The following CEP290 variants were observed in gnomAD, a reference collection of about 807,000 sequenced individuals.
The protein encoded by CEP290 is centrosomal protein 290.
CEP290 carries 317 observed loss-of-function variants against 344.9 expected under a neutral mutation model. The ratio of observed to expected loss-of-function variants is 0.92; its 90% confidence interval spans 0.84 to 1.01. The LOEUF (loss-of-function observed/expected upper bound fraction) is 1.01, where lower values mean the gene tolerates loss of function less well. Ranked by LOEUF, CEP290 falls within the 50% of genes least tolerant of loss-of-function variation. CEP290 has a pLI of 0.00. For missense variants in CEP290, 2,754 were observed against 2,761.4 expected (o/e 1.00, Z 0.06); for synonymous variants, 932 against 895.8 (o/e 1.04, Z -0.72).
intron 13 of CEP290, among the ~76,000 whole-genome samples, chr12:88,121,427 T>C (rs1257311354): frequency 2.0e-5 from 3 of 152,124 alleles, no homozygotes; most frequent in Non-Finnish European, 4.4e-5. Context: ...AAAATGATCA[T>C]TGTGATACAG....
intron 6 of CEP290, chr12:88,136,067 G>A (rs2040338194): frequency 6.6e-6 from 1 of 151,996 alleles, no homozygotes; most frequent in Admixed American, 6.6e-5. Flanking sequence ...AAGGAATAAC[G>A]AGGTAATAAA....
intron 8 of CEP290, 53 bp downstream of exon 8, chr12:88,130,492 G>C: frequency 6.3e-7 from 1 of 1,590,264 alleles, no homozygotes; most frequent in Non-Finnish European, 8.6e-7. Flanking sequence ...TCTAAATAGT[G>C]CTCTCACAAC....
At chr12:88,076,601 C>T (rs937322470) in intron 41 of CEP290, among the ~76,000 whole-genome samples, 1 of 116,754 alleles carries the variant, frequency 8.6e-6, no homozygotes, top group Non-Finnish European at 1.8e-5. Context: ...GCATTTTAGC[C>T]AATTTTAGTT....
At chr12:88,085,962 A>G (rs932296122) in intron 34 of CEP290, 77 bp downstream of exon 34, 17 of 1,348,390 alleles carry the variant, frequency 1.3e-5, no homozygotes, top group African/African-American at 1.5e-5. Context: ...CATTGCCCTC[A>G]TAAAGAAATA....
intron 37 of CEP290, among the ~76,000 whole-genome samples, chr12:88,080,712 A>C (rs933168064): frequency 1.3e-5 from 2 of 152,170 alleles, no homozygotes; most frequent in African/African-American, 4.8e-5. Flanking sequence ...TACAGGTGTG[A>C]GCCACCACAC....
intron 31 of CEP290, among the ~76,000 whole-genome samples, chr12:88,088,372 G>A (rs910878211): frequency 1.3e-5 from 2 of 151,914 alleles, no homozygotes; most frequent in African/African-American, 4.8e-5. Flanking sequence ...GTAAATGTGG[G>A]CCCACTACTT....
At chr12:88,071,724 T>C in intron 42 of CEP290, 57 bp downstream of exon 42, 1 of 1,325,950 alleles carries the variant, frequency 7.5e-7, no homozygotes, top group Non-Finnish European at 1.0e-6. Context: ...CTATATAATT[T>C]CCAGGTCACT....
chr12:88,088,838 A>G (rs2036787934), intron 31 of CEP290, among the ~76,000 whole-genome samples, 194 bp downstream of exon 31: 1 of 152,088 alleles, frequency 6.6e-6, no homozygotes, highest in Admixed American at 6.6e-5. Context: ...CTACAAAAAA[A>G]TTTAAAAATT....
intron 43 of CEP290, among the ~76,000 whole-genome samples, chr12:88,070,616 AAG>A (rs1177922289): frequency 6.6e-6 from 1 of 152,096 alleles, no homozygotes; most frequent in Admixed American, 6.6e-5. Context: ...CTATGATACT[AAG>A]AGGGTAAGGT....
intron 37 of CEP290, among the ~76,000 whole-genome samples, chr12:88,081,030 G>A (rs1041303388): frequency 1.3e-5 from 2 of 152,112 alleles, no homozygotes; most frequent in Non-Finnish European, 2.9e-5. Context: ...AAATGTGATT[G>A]CTTCCTCTAT....
At chr12:88,140,092 A>G (rs563495572) in intron 3 of CEP290, among the ~76,000 whole-genome samples, 3 of 152,128 alleles carry the variant, frequency 2.0e-5, no homozygotes, top group Non-Finnish European at 4.4e-5. Flanking sequence ...TAGATTTTTA[A>G]TAGCATGAAA....
chr12:88,120,956 A>G, intron 14 of CEP290, 41 bp downstream of exon 14: 1 of 1,558,024 alleles, frequency 6.4e-7, no homozygotes, highest in African/African-American at 1.4e-5. Context: ...AATGGCAAGA[A>G]TAATTCTAAG....
At position 88,114,507 on chromosome 12, in the gene CEP290, C is replaced by T. The variant is rs2137782106; in HGVS notation, c.1965G>A (p.Leu655=). ...KQLEEGMKEI[L]QAIKEMQKDP... ...CTTTCTGCATTTCCTTAATTGCTTG[C>T]AATATTTCTTTCATACCTTCTTCAA... The change falls in exon 20 of 54, where the codon TTG becomes TTA. Residue 655 remains leucine (L), a synonymous_variant. Coordinates refer to ENST00000552810, the MANE Select transcript of CEP290 (RefSeq NM_025114.4). The T allele has an allele frequency of 6.5e-7, 1 of 1,544,772 alleles. No homozygotes were observed. Among genetic ancestry groups the T allele is most frequent in the Non-Finnish European group, 8.7e-7 (1 of 1,143,638 alleles).
At position 88,060,964 on chromosome 12, in the gene CEP290, G is replaced by C. The variant is rs1178627897; in HGVS notation, c.6388C>G (p.Leu2130Val). Residue 2130 changes from leucine to valine, a missense_variant, in exon 47 of 54, where the codon CTG becomes GTG. By Grantham distance (32) the Leu-to-Val change is conservative. Transcript: ENST00000552810. ...SGRSGKTIPE[L>V]EKTIGLMKKV... is the part of the protein sequence containing the mutation. ...TTCATTAAACCAATGGTTTTTTCCA[G>C]TTCTGGGATTGTCTTTCCACTTCTA... is the stretch of plus-strand genomic sequence containing the variant. The C allele has an allele frequency of 6.4e-7, 1 of 1,560,374 alleles. No homozygotes were observed. Among genetic ancestry groups the C allele is most frequent in the Non-Finnish European group, 8.7e-7 (1 of 1,151,990 alleles).
At position 88,055,700 on chromosome 12, in the gene CEP290, A is replaced by T. The variant is rs2033943937; in HGVS notation, c.6836T>A (p.Leu2279Ter). 1 of 1,531,688 alleles carries T rather than the reference A, an allele frequency of 6.5e-7. No homozygotes were observed. The allele number at this position is 1,531,688 out of a possible 1,614,324, so 94.9% of individuals were successfully genotyped here. The change falls in exon 50 of 54, where the codon TTA becomes TAA. Residue 2279 changes from leucine (L) to a stop codon, truncating the protein, a stop_gained. Transcript: ENST00000552810. LOFTEE classifies it high-confidence loss of function. Reference protein sequence around the residue: ...IVVTRMYETKLKELETDIAKK... With the variant: ...IVVTRMYETK ...GGCAATATCAGTTTCCAATTCTTTT[A>T]ACTTGGTTTCATACATTCTAAAAGT... is the stretch of plus-strand genomic sequence containing the variant.
intron 3 of CEP290, among the ~76,000 whole-genome samples, chr12:88,140,026 G>A (rs1352077374): frequency 4.6e-5 from 7 of 152,132 alleles, no homozygotes; most frequent in African/African-American, 1.7e-4. Flanking sequence ...AAAGTGCTGG[G>A]ATTACAGACG....
intron 25 of CEP290, 37 bp from the exon 26 acceptor site, chr12:88,103,048 C>A: frequency 7.1e-7 from 1 of 1,399,336 alleles, no homozygotes; most frequent in Non-Finnish European, 9.4e-7. Flanking sequence ...ATGCTGGTGT[C>A]TTTTTTTCTG....
Position 88,086,447 on chromosome 12 carries a change from G to A in CEP290, c.4246C>T (p.Arg1416Cys), listed in dbSNP as rs776812442. ...AWDQREVDLE[R>C]QLDIFDRQQN... ...TGACGGTCAAAAATGTCTAGTTGGC[G>A]TTCCAGGTCAACTTCTCTTTGATCC... Residue 1416 changes from arginine to cysteine, a missense_variant, in exon 33 of 54, where the codon CGC becomes TGC. By Grantham distance (180) the Arg-to-Cys change is radical. Transcript: ENST00000552810. The A allele has an allele frequency of 1.7e-5, 28 of 1,600,380 alleles. No individual in the cohort carries two copies. The highest frequency in any genetic ancestry group is 2.2e-5 in the East Asian group (1 of 44,658).
intron 13 of CEP290, among the ~76,000 whole-genome samples, chr12:88,124,559 A>G (rs963546696): frequency 2.0e-5 from 3 of 152,032 alleles, no homozygotes; most frequent in Admixed American, 2.0e-4. Context: ...ACACACACAT[A>G]TGACATGTAT....
Sources: gnomAD v4.1 joint callset for allele counts (sites outside exome capture counted in the v4.1 genomes callset) on GRCh38, gnomAD v4.1.1 for gene constraint, MANE v1.5 for transcripts, NCBI Gene and HGNC (gene_info 2026-07-23, HGNC 2026-07-21) for gene names.